Variants in SLC4A4 observed in about 807,000 individuals in gnomAD.
SLC4A4 encodes solute carrier family 4 member 4.
Under a neutral mutation model 111.5 loss-of-function variants are expected in SLC4A4, and 27 were observed. The observed-to-expected ratio is 0.24, with a 90% CI of 0.18 to 0.33. The LOEUF (loss-of-function observed/expected upper bound fraction) is 0.33, where lower values mean the gene tolerates loss of function less well. Ranked by LOEUF, SLC4A4 falls within the 10% of genes least tolerant of loss-of-function variation. The pLI, the probability that SLC4A4 is intolerant of heterozygous loss-of-function variation, is 1.00. For missense variants in SLC4A4, 909 were observed against 1,315.5 expected (o/e 0.69, Z 4.78); for synonymous variants, 443 against 463.4 (o/e 0.96, Z 0.57).
At chr4:71,223,471 C>T (rs575942095) in intron 1 of SLC4A4, among the ~76,000 whole-genome samples, 2 of 152,264 alleles carry the variant, frequency 1.3e-5, no homozygotes, top group Non-Finnish European at 2.9e-5. Flanking sequence ...CCTGCACTGA[C>T]ATTCTTTTAT....
intron 2 of SLC4A4, among the ~76,000 whole-genome samples, chr4:71,128,218 C>G (rs1346492926): frequency 1.3e-5 from 2 of 152,198 alleles, no homozygotes; most frequent in Non-Finnish European, 2.9e-5. Context: ...AAGAGCACAT[C>G]ACATCTTACG....
intron 2 of SLC4A4, among the ~76,000 whole-genome samples, chr4:71,123,960 CAGTTGA>C (rs1199260282): frequency 6.6e-6 from 1 of 152,176 alleles, no homozygotes; most frequent in Non-Finnish European, 1.5e-5. Flanking sequence ...GAACTCTTAA[CAGTTGA>C]AGTTGCTGTT....
At chr4:71,377,803 T>C (rs1732545862) in intron 6 of SLC4A4, among the ~76,000 whole-genome samples, 1 of 152,136 alleles carries the variant, frequency 6.6e-6, no homozygotes, top group South Asian at 2.1e-4. Context: ...TTGTGTATAT[T>C]TCATTTGACA....
At chr4:71,329,624 C>T (rs772956635) in intron 3 of SLC4A4, among the ~76,000 whole-genome samples, 18 of 151,982 alleles carry the variant, frequency 1.2e-4, no homozygotes, top group Non-Finnish European at 2.4e-4. Context: ...AGATTGTTCA[C>T]TGCTGGCATG....
intron 3 of SLC4A4, among the ~76,000 whole-genome samples, chr4:71,270,415 T>A (rs1323009405): frequency 6.6e-6 from 1 of 152,214 alleles, no homozygotes; most frequent in Non-Finnish European, 1.5e-5. Context: ...AACTCCAGCT[T>A]CTACCTTGTT....
chr4:71,200,853 G>A (rs1423785579), intron 1 of SLC4A4, among the ~76,000 whole-genome samples: 1 of 151,666 alleles, frequency 6.6e-6, no homozygotes, highest in African/African-American at 2.4e-5. Flanking sequence ...CACACCCCAC[G>A]AATATCTGGG....
intron 2 of SLC4A4, among the ~76,000 whole-genome samples, chr4:71,149,166 G>A (rs976777942): frequency 6.6e-6 from 1 of 152,052 alleles, no homozygotes; most frequent in African/African-American, 2.4e-5. Context: ...TTGAAGCCAG[G>A]TGTACTCAGT....
chr4:71,231,643 G>A (rs991817129), intron 1 of SLC4A4, among the ~76,000 whole-genome samples: 1 of 152,200 alleles, frequency 6.6e-6, no homozygotes, highest in African/African-American at 2.4e-5. Flanking sequence ...CCTTATCCCC[G>A]TGATGCTGGT....
At chr4:71,472,150 C>T (rs1727932501) in intron 13 of SLC4A4, among the ~76,000 whole-genome samples, 1 of 151,950 alleles carries the variant, frequency 6.6e-6, no homozygotes, top group African/African-American at 2.4e-5. Context: ...TATCCTTGAA[C>T]ACCTTGAATT....
chr4:71,116,456 A>G (rs900100033), intron 2 of SLC4A4, among the ~76,000 whole-genome samples: 9 of 152,234 alleles, frequency 5.9e-5, no homozygotes, highest in African/African-American at 1.7e-4. Context: ...CTACAGCCAC[A>G]CAATGCTTAA....
intron 2 of SLC4A4, among the ~76,000 whole-genome samples, chr4:71,108,735 C>T (rs192016746): frequency 6.6e-6 from 1 of 151,940 alleles, no homozygotes; most frequent in African/African-American, 2.4e-5. Context: ...CTTCCAACCC[C>T]TTTCTCTCTC....
intron 1 of SLC4A4, among the ~76,000 whole-genome samples, chr4:71,201,365 G>A (rs1037770727): frequency 6.6e-6 from 1 of 152,152 alleles, no homozygotes; most frequent in Non-Finnish European, 1.5e-5. Context: ...TGTGACCTTG[G>A]GTCAGACGGC....
At chr4:71,341,399 G>T (rs1728895452) in intron 4 of SLC4A4, among the ~76,000 whole-genome samples, 1 of 152,080 alleles carries the variant, frequency 6.6e-6, no homozygotes, top group Non-Finnish European at 1.5e-5. Context: ...AGTATTTATG[G>T]CTGCTATTTT....
intron 5 of SLC4A4, among the ~76,000 whole-genome samples, chr4:71,356,380 T>A (rs1259528806): frequency 6.6e-6 from 1 of 152,186 alleles, no homozygotes; most frequent in African/African-American, 2.4e-5. Flanking sequence ...AAATGCCCAA[T>A]GGAAATATAC....
intron 3 of SLC4A4, among the ~76,000 whole-genome samples, chr4:71,304,996 T>A (rs575045718): frequency 6.6e-6 from 1 of 152,240 alleles, no homozygotes; most frequent in Admixed American, 6.5e-5. Flanking sequence ...ATATGCTCAG[T>A]TACTGGGCAG....
chr4:71,437,683 C>A (rs1454535515), intron 7 of SLC4A4: 4 of 454,604 alleles, frequency 8.8e-6, no homozygotes, highest in African/African-American at 6.0e-5. Flanking sequence ...ACAGGCCATG[C>A]CAACTGATCC....
chr4:71,237,094 G>T lies in SLC4A4; in HGVS notation c.73+445G>T, dbSNP rs1036577429. On this transcript the variant is annotated intron_variant, in intron 2 of 25. Transcript: ENST00000264485. The stretch of plus-strand genomic sequence containing the variant: ...GATACCATTGTTGCAGGAGAAATGG[G>T]TTTAAGCTGAAGATGTTAAGAGTGA... Among the ~76,000 whole-genome samples the T allele has an allele frequency of 1.3e-5, 2 of 152,194 alleles. 1 individual carries two copies. Among genetic ancestry groups the T allele is most frequent in the Non-Finnish European group, 2.9e-5 (2 of 68,032 alleles).
At chr4:71,346,448 A>G (rs1578885133) in intron 4 of SLC4A4, among the ~76,000 whole-genome samples, 1 of 134,350 alleles carries the variant, frequency 7.4e-6, no homozygotes, top group East Asian at 2.5e-4. Context: ...TTAGTATACT[A>G]TTGCAAATAT....
At chr4:71,070,603 G>T (rs1741637617) in intron 1 of SLC4A4, among the ~76,000 whole-genome samples, 1 of 152,190 alleles carries the variant, frequency 6.6e-6, no homozygotes, top group African/African-American at 2.4e-5. Context: ...CAAAATTAGA[G>T]AAACTGATTT....
Sources: gnomAD v4.1 joint callset for allele counts (sites outside exome capture counted in the v4.1 genomes callset) on GRCh38, gnomAD v4.1.1 for gene constraint, MANE v1.5 for transcripts, NCBI Gene and HGNC (gene_info 2026-07-23, HGNC 2026-07-21) for gene names.